TNFSF4: variants seen among roughly 807,000 people sequenced by gnomAD.
TNFSF4 encodes tumor necrosis factor ligand superfamily member 4.
In TNFSF4, 4 loss-of-function variants were observed where a neutral mutation model predicts 7.3. The observed-to-expected ratio is 0.55, with a 90% CI of 0.27 to 1.25. The LOEUF (loss-of-function observed/expected upper bound fraction) is 1.25, where lower values mean the gene tolerates loss of function less well. Among genes scored for constraint, TNFSF4 ranks in the 50% most tolerant of loss-of-function variants. The probability of loss-of-function intolerance (pLI) is 0.12; values close to 1 mark genes in which losing one functional copy is unlikely to be tolerated. For synonymous variants in TNFSF4, 76 were observed against 83.7 expected, an observed-to-expected ratio of 0.91 and a Z score of 0.50; for missense variants, 181 against 208.8, an observed-to-expected ratio of 0.87 and a Z score of 0.82.
the TNFSF4 span, among the ~76,000 whole-genome samples, chr1:173,336,592 G>A: frequency 6.6e-6 from 1 of 152,140 alleles, no homozygotes. Context: ...AACTCTCTCT[G>A]GCCCAGTGTC....
the TNFSF4 span, chr1:173,363,078 A>T: frequency 2.8e-6 from 1 of 352,900 alleles, no homozygotes; most frequent in Admixed American, 3.4e-5. Context: ...TAGTTTGTAC[A>T]TGTTTCCTTT....
At chr1:173,448,634 G>A in the TNFSF4 span, among the ~76,000 whole-genome samples, 1 of 152,134 alleles carries the variant, frequency 6.6e-6, no homozygotes, top group South Asian at 2.1e-4. Flanking sequence ...GTGCTCAGTG[G>A]GGGAGCTTTT....
the TNFSF4 span, among the ~76,000 whole-genome samples, chr1:173,340,193 C>T: frequency 6.6e-6 from 1 of 152,070 alleles, no homozygotes; most frequent in Non-Finnish European, 1.5e-5. Flanking sequence ...TCCCAGGTCT[C>T]GAGCCTAGTA....
chr1:173,293,022 C>G, the TNFSF4 span, among the ~76,000 whole-genome samples: 1 of 152,072 alleles, frequency 6.6e-6, no homozygotes, highest in African/African-American at 2.4e-5. Flanking sequence ...ATATTCCATG[C>G]TCATGGATAG....
the TNFSF4 span, among the ~76,000 whole-genome samples, chr1:173,216,262 C>A: frequency 1.3e-5 from 2 of 152,162 alleles, no homozygotes; most frequent in Non-Finnish European, 2.9e-5. Flanking sequence ...CCCAATTCAT[C>A]CCCTTAATTC....
At chr1:173,278,033 T>C in the TNFSF4 span, among the ~76,000 whole-genome samples, 1 of 152,078 alleles carries the variant, frequency 6.6e-6, no homozygotes, top group African/African-American at 2.4e-5. Context: ...CTAAATTCAA[T>C]AACCAACAAG....
the TNFSF4 span, among the ~76,000 whole-genome samples, chr1:173,438,248 A>G: frequency 6.6e-6 from 1 of 152,214 alleles, no homozygotes; most frequent in Non-Finnish European, 1.5e-5. Context: ...AAAAAAATAA[A>G]TAAATACATT....
the TNFSF4 span, among the ~76,000 whole-genome samples, chr1:173,382,188 C>A: frequency 2.6e-5 from 4 of 152,114 alleles, no homozygotes; most frequent in Admixed American, 2.0e-4. Context: ...TCAGCAAGAC[C>A]ACAAACCCAC....
At chr1:173,244,868 A>G in the TNFSF4 span, among the ~76,000 whole-genome samples, 3 of 152,078 alleles carry the variant, frequency 2.0e-5, no homozygotes, top group Non-Finnish European at 4.4e-5. Context: ...TAAGAAATGC[A>G]TGCTTATAGA....
the TNFSF4 span, among the ~76,000 whole-genome samples, chr1:173,423,672 C>A: frequency 6.6e-6 from 1 of 152,142 alleles, no homozygotes; most frequent in African/African-American, 2.4e-5. Flanking sequence ...AGGAGAACAT[C>A]CCACCGGTGA....
At chr1:173,319,932 C>G in the TNFSF4 span, among the ~76,000 whole-genome samples, 1 of 152,118 alleles carries the variant, frequency 6.6e-6, no homozygotes, top group East Asian at 1.9e-4. Context: ...ATTCCAAAAA[C>G]CAGAATGCCT....
upstream of TNFSF4, among the ~76,000 whole-genome samples, chr1:173,208,636 C>G (rs1278204331): frequency 3.9e-5 from 6 of 152,134 alleles, no homozygotes; most frequent in East Asian, 1.2e-3. Flanking sequence ...TCATAGACTC[C>G]AAGCCAAAAC....
At chr1:173,400,610 CA>C in the TNFSF4 span, among the ~76,000 whole-genome samples, 2 of 151,830 alleles carry the variant, frequency 1.3e-5, no homozygotes, top group East Asian at 1.9e-4. Flanking sequence ...AATCAACAGA[CA>C]AAAAAAAGGA....
chr1:173,200,190 G>C (rs1296311906), intron 1 of TNFSF4, among the ~76,000 whole-genome samples: 1 of 152,112 alleles, frequency 6.6e-6, no homozygotes, highest in Non-Finnish European at 1.5e-5. Flanking sequence ...TCGTGGCCTC[G>C]TGGCCAGGCA....
chr1:173,260,570 T>A, the TNFSF4 span, among the ~76,000 whole-genome samples: 1 of 152,148 alleles, frequency 6.6e-6, no homozygotes, highest in South Asian at 2.1e-4. Context: ...AATCAAGACC[T>A]ATTAGTGTGC....
the TNFSF4 span, chr1:173,362,923 G>A: frequency 2.4e-5 from 11 of 459,148 alleles, no homozygotes; most frequent in Admixed American, 7.4e-5. Flanking sequence ...TAATGTACTC[G>A]TGCACCAAAA....
At chr1:173,258,335 G>C in the TNFSF4 span, among the ~76,000 whole-genome samples, 3 of 152,100 alleles carry the variant, frequency 2.0e-5, no homozygotes, top group Non-Finnish European at 4.4e-5. Context: ...AAAGAGCAAG[G>C]AAAAGCAGGG....
At chr1:173,389,390 T>C in the TNFSF4 span, among the ~76,000 whole-genome samples, 1 of 152,220 alleles carries the variant, frequency 6.6e-6, no homozygotes, top group East Asian at 1.9e-4. Context: ...AATAATTCTC[T>C]CCTCTTTCAG....
chr1:173,446,448 G>GT, the TNFSF4 span, among the ~76,000 whole-genome samples: 1 of 152,164 alleles, frequency 6.6e-6, no homozygotes, highest in Non-Finnish European at 1.5e-5. Context: ...CTGTCCTTCA[G>GT]TAAGTGAATG....
Sources: gnomAD v4.1 joint callset for allele counts (sites outside exome capture counted in the v4.1 genomes callset) on GRCh38, gnomAD v4.1.1 for gene constraint, MANE v1.5 for transcripts, NCBI Gene and HGNC (gene_info 2026-07-23, HGNC 2026-07-21) for gene names.